The following CERT1 variants were observed in gnomAD, a reference collection of about 807,000 sequenced individuals.
CERT1 encodes the protein ceramide transporter 1.
A neutral mutation model predicts 87.9 loss-of-function variants in CERT1; 31 were observed. The ratio of observed to expected loss-of-function variants is 0.35; its 90% CI spans 0.27 to 0.48. CERT1 has a LOEUF of 0.48. CERT1 is among the 20% of genes least tolerant of loss of function. CERT1 has a pLI of 0.99. For synonymous variants in CERT1, 289 were observed against 250.9 expected (o/e 1.15, Z -1.44); for missense variants, 487 against 758.0 (o/e 0.64, Z 4.20).
downstream of CERT1, chr5:75,377,189 C>T (rs764621510): frequency 6.6e-6 from 1 of 152,206 alleles, no homozygotes; most frequent in South Asian, 2.1e-4. Context: ...ATTAAAACTA[C>T]ACTGAGAGAG....
In CERT1 at chr5:75,378,612, T is replaced by C. The variant is rs1028713085; in HGVS notation, c.*734A>G. On this transcript the variant is annotated 3_prime_UTR_variant, in exon 17 of 17. Transcript: ENST00000643780. ...ACATCTCATGTCTTATAAAGAAAGA[T>C]AGTCAAGATACATTGTTAAGTGAAA... 6.6e-6 allele frequency: 1 copy of C among 152,064 alleles called. No individual in the cohort carries two copies. Among genetic ancestry groups the C allele is most frequent in the Non-Finnish European group, 1.5e-5 (1 of 68,016 alleles). The allele number at this position is 152,064 out of a possible 1,614,324, so 9.4% of individuals were successfully genotyped here. A position where few individuals can be genotyped will look rare whatever the true frequency, so the allele number is the denominator to read the frequency against.
intron 3 of CERT1, among the ~76,000 whole-genome samples, chr5:75,437,768 T>TAAAAAAAA (rs201506124): frequency 4.5e-5 from 5 of 110,666 alleles, no homozygotes; most frequent in South Asian, 2.9e-4. Context: ...TCTGTCTCAT[T>TAAAAAAAA]AAAAAAAAAA....
intron 3 of CERT1, among the ~76,000 whole-genome samples, chr5:75,457,276 T>C (rs1239770793): frequency 6.6e-6 from 1 of 152,250 alleles, no homozygotes; most frequent in African/African-American, 2.4e-5. Flanking sequence ...TCAGTCATTC[T>C]GGTAAGTAAC....
chr5:75,420,806 C>T (rs1763346835), intron 5 of CERT1, among the ~76,000 whole-genome samples: 1 of 152,078 alleles, frequency 6.6e-6, no homozygotes, highest in African/African-American at 2.4e-5. Flanking sequence ...CTGCTTTTAT[C>T]AAGCTTTTTG....
At chr5:75,481,066 G>C (rs373155537) in intron 2 of CERT1, among the ~76,000 whole-genome samples, 3 of 152,066 alleles carry the variant, frequency 2.0e-5, no homozygotes, top group Non-Finnish European at 4.4e-5. Context: ...TTCCCATCTC[G>C]CTCAGCATTA....
Position 75,491,359 on chromosome 5 carries a change from C to T in CERT1, c.231+14623G>A, listed in dbSNP as rs1305462360. On this transcript the variant is annotated intron_variant, in intron 2 of 16. Transcript: ENST00000643780. The stretch of plus-strand genomic sequence containing the variant: ...AATTTCCAAAGAACTCTTTTGTTTT[C>T]CTTTTCTGTCTTCCAGAAGTTAGAC... Among the ~76,000 whole-genome samples the T allele has an allele frequency of 2.0e-5, 3 of 152,094 alleles. No individual in the cohort carries two copies. In the East Asian group the frequency reaches 5.8e-4, roughly 29 times the overall value.
intron 17 of CERT1, chr5:75,372,038 A>G (rs925811398): frequency 3.0e-4 from 45 of 152,214 alleles, no homozygotes; most frequent in African/African-American, 1.0e-3. Context: ...CTTTTAATAC[A>G]AATATTTTAG....
At chr5:75,447,217 A>G (rs1312272353) in intron 3 of CERT1, among the ~76,000 whole-genome samples, 3 of 152,156 alleles carry the variant, frequency 2.0e-5, no homozygotes, top group Non-Finnish European at 4.4e-5. Flanking sequence ...GCAAGCCTTT[A>G]GCAGACTCCA....
At chr5:75,455,772 TG>T (rs1170760856) in intron 3 of CERT1, among the ~76,000 whole-genome samples, 2 of 152,306 alleles carry the variant, frequency 1.3e-5, no homozygotes, top group East Asian at 1.9e-4. Context: ...CGTTTACTAA[TG>T]GTAACAGACA....
intron 2 of CERT1, among the ~76,000 whole-genome samples, chr5:75,490,243 G>A (rs1402248575): frequency 1.3e-5 from 2 of 152,258 alleles, no homozygotes. Context: ...AATACCTAGT[G>A]TAGATGACAG....
intron 11 of CERT1, among the ~76,000 whole-genome samples, chr5:75,398,024 T>C (rs1383306403): frequency 6.6e-6 from 1 of 151,266 alleles, no homozygotes. Flanking sequence ...GTCTCGAAAA[T>C]AAATAAGTAA....
intron 5 of CERT1, among the ~76,000 whole-genome samples, chr5:75,420,741 C>G (rs1411768056): frequency 6.6e-6 from 1 of 152,198 alleles, no homozygotes; most frequent in Non-Finnish European, 1.5e-5. Flanking sequence ...ATTCTCTGTA[C>G]TACGCATTCC....
chr5:75,392,708 G>A (rs1310348394), intron 11 of CERT1, among the ~76,000 whole-genome samples: 6 of 151,964 alleles, frequency 3.9e-5, no homozygotes, highest in Non-Finnish European at 5.9e-5. Context: ...GGTGGCTCAC[G>A]CCTGTAATCC....
intron 2 of CERT1, among the ~76,000 whole-genome samples, chr5:75,487,013 C>T (rs565532742): frequency 6.6e-6 from 1 of 152,160 alleles, no homozygotes; most frequent in East Asian, 1.9e-4. Flanking sequence ...ACAAAAGACC[C>T]AGAATAGCCA....
At chr5:75,376,191 C>T (rs1232524897), downstream of CERT1, 1 of 152,194 alleles carries the variant, frequency 6.6e-6, no homozygotes, top group Admixed American at 6.5e-5. Context: ...TACCATTTAT[C>T]TTTCAACTGT....
intron 2 of CERT1, among the ~76,000 whole-genome samples, chr5:75,464,023 A>G (rs1443926321): frequency 6.6e-6 from 1 of 152,138 alleles, no homozygotes; most frequent in African/African-American, 2.4e-5. Flanking sequence ...AATTCAGATA[A>G]GACAAATGTA....
chr5:75,478,048 C>G (rs1766051134), intron 2 of CERT1, among the ~76,000 whole-genome samples: 1 of 152,154 alleles, frequency 6.6e-6, no homozygotes, highest in Admixed American at 6.5e-5. Flanking sequence ...CACAGTGACT[C>G]ACGCCTGTAA....
chr5:75,465,054 CTCAG>C (rs1377837855), intron 2 of CERT1, among the ~76,000 whole-genome samples: 1 of 152,178 alleles, frequency 6.6e-6, no homozygotes, highest in East Asian at 1.9e-4. Context: ...TCAGACTGCT[CTCAG>C]TCAGGTGCAC....
chr5:75,511,299 G>A lies in CERT1; in HGVS notation c.-92C>T. On this transcript the variant is annotated 5_prime_UTR_variant, in exon 1 of 17. Coordinates refer to ENST00000643780, the MANE Select transcript of CERT1 (RefSeq NM_001379029.1). ...TCCTCGGGGTGAAGGGTCGGGGGATGGCGAAGCGAAGAGTGCCCGCTCCGG... is the reference window on the plus strand; with the variant it reads ...TCCTCGGGGTGAAGGGTCGGGGGATAGCGAAGCGAAGAGTGCCCGCTCCGG... 2.6e-6 allele frequency: 4 copies of A among 1,560,562 alleles called. No individual in the cohort carries two copies. The highest frequency in any genetic ancestry group is 3.5e-6 in the Non-Finnish European group (4 of 1,152,702).
Sources: gnomAD v4.1 joint callset for allele counts (sites outside exome capture counted in the v4.1 genomes callset) on GRCh38, gnomAD v4.1.1 for gene constraint, MANE v1.5 for transcripts, NCBI Gene and HGNC (gene_info 2026-07-23, HGNC 2026-07-21) for gene names.